Variants in ANKRD45 observed in about 807,000 individuals in gnomAD.
The protein encoded by ANKRD45 is ankyrin repeat domain-containing protein 45.
In ANKRD45, 21 loss-of-function variants were observed where a neutral mutation model predicts 28.1. The observed-to-expected ratio is 0.75, with a 90% CI of 0.53 to 1.08. ANKRD45 has a LOEUF of 1.08. ANKRD45 is among the 50% of genes least tolerant of loss of function. The pLI, the probability that ANKRD45 is intolerant of heterozygous loss-of-function variation, is 0.00. For missense variants in ANKRD45, 261 were observed against 308.7 expected (o/e 0.85, Z 1.16); for synonymous variants, 86 against 103.9 (o/e 0.83, Z 1.05).
chr1:173,616,442 A>ATAG (rs2102314007), intron 5 of ANKRD45, among the ~76,000 whole-genome samples: 1 of 152,296 alleles, frequency 6.6e-6, no homozygotes, highest in Non-Finnish European at 1.5e-5. Context: ...GCTAATAGCT[A>ATAG]TAGGGTTTCT....
upstream of ANKRD45, among the ~76,000 whole-genome samples, chr1:173,674,529 A>G (rs1670349004): frequency 6.6e-6 from 1 of 152,154 alleles, no homozygotes; most frequent in Non-Finnish European, 1.5e-5. Context: ...TGGTTAGAGC[A>G]GTTTGGTTTT....
intron 2 of ANKRD45, among the ~76,000 whole-genome samples, chr1:173,655,435 C>G (rs1225497289): frequency 6.6e-6 from 1 of 152,184 alleles, no homozygotes; most frequent in African/African-American, 2.4e-5. Context: ...GGCTGCAGAA[C>G]AGCAAATATT....
At chr1:173,645,476 A>T (rs1668879561) in intron 3 of ANKRD45, among the ~76,000 whole-genome samples, 1 of 152,176 alleles carries the variant, frequency 6.6e-6, no homozygotes, top group Admixed American at 6.5e-5. Context: ...TAACTGCTTT[A>T]TATCATCTCA....
chr1:173,678,841 A>G, the ANKRD45 span, among the ~76,000 whole-genome samples: 1 of 152,240 alleles, frequency 6.6e-6, no homozygotes, highest in Admixed American at 6.5e-5. Context: ...TTAACCTGAT[A>G]AGCAACTTCA....
the ANKRD45 span, among the ~76,000 whole-genome samples, chr1:173,699,521 C>CA: frequency 6.6e-6 from 1 of 152,054 alleles, no homozygotes; most frequent in African/African-American, 2.4e-5. Flanking sequence ...GTTCCACATA[C>CA]ACAAATCAAT....
intron 4 of ANKRD45, among the ~76,000 whole-genome samples, chr1:173,626,846 T>A (rs924101112): frequency 3.9e-5 from 6 of 152,178 alleles, no homozygotes; most frequent in African/African-American, 1.4e-4. Context: ...TACATCTCTA[T>A]GTCACTCTTT....
upstream of ANKRD45, among the ~76,000 whole-genome samples, chr1:173,671,836 C>T (rs1670273336): frequency 1.3e-5 from 2 of 150,670 alleles, no homozygotes; most frequent in African/African-American, 4.9e-5. Context: ...GAGCCGAGAT[C>T]GCACCACTGC....
chr1:173,694,532 AG>A, the ANKRD45 span, among the ~76,000 whole-genome samples: 1 of 104,446 alleles, frequency 9.6e-6, no homozygotes, highest in South Asian at 3.4e-4. Flanking sequence ...AAACTTAAGA[AG>A]TTTATTATTA....
the ANKRD45 span, among the ~76,000 whole-genome samples, chr1:173,688,661 G>C: frequency 1.7e-5 from 2 of 116,590 alleles, no homozygotes; most frequent in Non-Finnish European, 1.6e-5. Context: ...CTCTCTTTCT[G>C]CCTCTTTCCT....
chr1:173,636,033 A>C (rs1456090638), intron 3 of ANKRD45, among the ~76,000 whole-genome samples: 1 of 152,140 alleles, frequency 6.6e-6, no homozygotes, highest in East Asian at 1.9e-4. Flanking sequence ...TGTGTATTGA[A>C]TTAGAAGGTC....
At position 173,665,817 on chromosome 1, in the gene ANKRD45, T is replaced by A. The variant is rs542479283; in HGVS notation, c.-16+4000A>T. Among the ~76,000 whole-genome samples, 8 of 152,002 alleles carry A rather than the reference T, an allele frequency of 5.3e-5. No homozygotes were observed. The East Asian group carries it at 1.5e-3, about 29-fold the overall frequency. On this transcript the variant is annotated intron_variant, in intron 1 of 5. Coordinates refer to ENST00000333279, the MANE Select transcript of ANKRD45 (RefSeq NM_198493.3). ...TGAGTTCAGGAGTTCGAGACCAGCT[T>A]GGGCAACACAGCGAAACCCCATCTC...
intron 3 of ANKRD45, among the ~76,000 whole-genome samples, chr1:173,633,884 A>T (rs1668299744): frequency 6.6e-6 from 1 of 152,002 alleles, no homozygotes; most frequent in South Asian, 2.1e-4. Flanking sequence ...CTATGAAACT[A>T]CTGTAAGAAA....
chr1:173,629,869 G>A (rs1232790212), intron 3 of ANKRD45, among the ~76,000 whole-genome samples: 1 of 152,064 alleles, frequency 6.6e-6, no homozygotes, highest in Admixed American at 6.5e-5. Context: ...AAGGTATTTA[G>A]TAATCAAACT....
chr1:173,633,468 T>G lies in ANKRD45; in HGVS notation c.497-6309A>C, dbSNP rs376856308. ...CATTGGTATCAAAATACCAACGACA[T>G]GCTTCACAGAAATAGAAAAAACAAT... On this transcript the variant is annotated intron_variant, in intron 3 of 5. Transcript: ENST00000333279. Among the ~76,000 whole-genome samples, 17 of 150,782 alleles carry G rather than the reference T, an allele frequency of 1.1e-4. No individual in the cohort carries two copies. In the East Asian group the frequency reaches 1.2e-3, roughly 10 times the overall value.
chr1:173,649,092 T>C (rs1394286026), intron 2 of ANKRD45, among the ~76,000 whole-genome samples: 1 of 152,238 alleles, frequency 6.6e-6, no homozygotes, highest in African/African-American at 2.4e-5. Flanking sequence ...TTAATTATTG[T>C]GTAATATTCC....
intron 2 of ANKRD45, among the ~76,000 whole-genome samples, chr1:173,656,974 C>T (rs955900405): frequency 1.4e-5 from 2 of 147,666 alleles, no homozygotes; most frequent in African/African-American, 5.0e-5. Flanking sequence ...TTGCTTGAGC[C>T]CAGGAGGTAG....
chr1:173,702,042 T>C, the ANKRD45 span, among the ~76,000 whole-genome samples: 3 of 152,132 alleles, frequency 2.0e-5, no homozygotes, highest in African/African-American at 4.8e-5. Context: ...CAAAGTACAC[T>C]GGTGAACACG....
chr1:173,620,682 A>G (rs1417200912), intron 5 of ANKRD45, among the ~76,000 whole-genome samples: 2 of 152,172 alleles, frequency 1.3e-5, no homozygotes, highest in Non-Finnish European at 2.9e-5. Context: ...AGCATGGCAC[A>G]TGTATACATA....
rs370429396 is a variant in ANKRD45 at position 173,609,120 on chromosome 1, T to C, written c.*1025A>G. 6.6e-6 allele frequency among the ~76,000 whole-genome samples: 1 copy of C among 152,002 alleles called. No individual in the cohort carries two copies. Among genetic ancestry groups the C allele is most frequent in the Non-Finnish European group, 1.5e-5 (1 of 68,004 alleles). On this transcript the variant is annotated 3_prime_UTR_variant, in exon 6 of 6. Transcript: ENST00000333279. ...TGCAGTGTTCTTTTGCTTTAAAAAA[T>C]TGAAACTGAATTGCTCATACATTAA...
Sources: allele counts gnomAD v4.1 joint callset (sites outside exome capture counted in the v4.1 genomes callset), GRCh38; gene constraint gnomAD v4.1.1; transcripts MANE v1.5; gene names NCBI Gene and HGNC (gene_info 2026-07-23, HGNC 2026-07-21).